The following TAOK3 variants were observed in gnomAD, a reference collection of about 807,000 sequenced individuals.
TAOK3 encodes the protein serine/threonine-protein kinase TAO3.
A neutral mutation model predicts 120.4 loss-of-function variants in TAOK3; 40 were observed. The observed-to-expected ratio is 0.33, with a 90% CI of 0.26 to 0.43. The LOEUF is 0.43. Ranked by LOEUF, TAOK3 falls within the 20% of genes least tolerant of loss-of-function variation. TAOK3 has a pLI of 1.00. For missense variants in TAOK3, 821 were observed against 1,112.1 expected, an observed-to-expected ratio of 0.74 and a Z score of 3.72; for synonymous variants, 355 against 387.5, an observed-to-expected ratio of 0.92 and a Z score of 0.99.
At chr12:118,176,956 G>A (rs2036378599) in intron 16 of TAOK3, among the ~76,000 whole-genome samples, 1 of 151,934 alleles carries the variant, frequency 6.6e-6, no homozygotes, top group Admixed American at 6.6e-5. Context: ...TAGTAGAGAC[G>A]AGGTTTCACC....
At chr12:118,186,598 T>C (rs2037092133) in intron 14 of TAOK3, among the ~76,000 whole-genome samples, 1 of 152,100 alleles carries the variant, frequency 6.6e-6, no homozygotes. Flanking sequence ...TTTTTCCAGA[T>C]AACACATGAG....
intron 1 of TAOK3, among the ~76,000 whole-genome samples, chr12:118,288,915 C>CAAAA (rs34740967): frequency 2.4e-4 from 23 of 94,092 alleles, no homozygotes; most frequent in South Asian, 3.8e-4. Flanking sequence ...GACTCTATCT[C>CAAAA]AAAAAAAAAA....
intron 1 of TAOK3, among the ~76,000 whole-genome samples, chr12:118,354,170 T>C (rs1477277006): frequency 6.6e-6 from 1 of 152,204 alleles, no homozygotes; most frequent in Non-Finnish European, 1.5e-5. Flanking sequence ...TGGAACTCTA[T>C]ATATACTATT....
At chr12:118,232,385 T>A (rs907455825) in intron 9 of TAOK3, among the ~76,000 whole-genome samples, 7 of 152,234 alleles carry the variant, frequency 4.6e-5, no homozygotes, top group African/African-American at 1.7e-4. Context: ...GTGCTCTACA[T>A]GGGTCAAATA....
At chr12:118,198,195 C>G (rs2037829611) in intron 13 of TAOK3, among the ~76,000 whole-genome samples, 1 of 152,074 alleles carries the variant, frequency 6.6e-6, no homozygotes, top group African/African-American at 2.4e-5. Flanking sequence ...CTTGAACATA[C>G]AAAGCTCTCT....
Position 118,177,305 on chromosome 12 carries a change from T to C in TAOK3, c.1591A>G (p.Lys531Glu), listed in dbSNP as rs1438481624. Reference sequence around the variant, plus strand: ...GCCAAGATCTGTTGCTGGAACTTCTTCTCATCTGCTGCAGCTACCTTTGCC... The same window carrying C: ...GCCAAGATCTGTTGCTGGAACTTCTCCTCATCTGCTGCAGCTACCTTTGCC... ...KEAKVAAADE[K>E]KFQQQILAQQ... Residue 531 changes from lysine to glutamate, a missense_variant, in exon 16 of 21, where the codon AAG becomes GAG. Physicochemically the swap from Lys to Glu is moderately conservative, Grantham distance 56. Around this residue, in one of 2 missense-constraint regions of TAOK3, gnomAD observed 354 missense variants for 572.1 expected, o/e 0.62. Transcript: ENST00000392533. 6.2e-7 allele frequency: 1 copy of C among 1,613,656 alleles called. No individual in the cohort carries two copies. Among genetic ancestry groups the C allele is most frequent in the Non-Finnish European group, 8.5e-7 (1 of 1,179,982 alleles).
intron 20 of TAOK3, 114 bp from the exon 21 acceptor site, chr12:118,151,272 A>C: frequency 2.1e-6 from 2 of 954,850 alleles, no homozygotes; most frequent in Admixed American, 2.6e-5. Context: ...AGGCACACAC[A>C]TGAAGTGCGC....
chr12:118,184,785 A>C (rs2036972960), intron 14 of TAOK3, among the ~76,000 whole-genome samples: 1 of 152,238 alleles, frequency 6.6e-6, no homozygotes. Flanking sequence ...TGCTCTACCC[A>C]GTGGATTGTG....
chr12:118,267,899 A>G (rs2041526292), intron 1 of TAOK3, among the ~76,000 whole-genome samples: 1 of 151,774 alleles, frequency 6.6e-6, no homozygotes, highest in Admixed American at 6.6e-5. Context: ...AAAAAAAAAA[A>G]AAAGGAAAGA....
intron 1 of TAOK3, among the ~76,000 whole-genome samples, chr12:118,318,319 A>ATCTG (rs2043559353): frequency 6.6e-6 from 1 of 151,984 alleles, no homozygotes; most frequent in African/African-American, 2.4e-5. Context: ...CACCACGCCC[A>ATCTG]GCTAATTTTT....
At position 118,165,514 on chromosome 12, in the gene TAOK3, A is replaced by G. The variant is rs554291254; in HGVS notation, c.1900-3487T>C. The stretch of plus-strand genomic sequence containing the variant: ...ACTGTCCACAGAATACCTACATCCG[A>G]ATTACCTGTGTTATAAGGGACTAGT... On this transcript the variant is annotated intron_variant, in intron 17 of 20. Transcript: ENST00000392533. Among the ~76,000 whole-genome samples the G allele has an allele frequency of 3.9e-5, 6 of 152,326 alleles. No individual in the cohort carries two copies. The South Asian group carries it at 1.2e-3, about 32-fold the overall frequency.
Position 118,172,491 on chromosome 12 carries a change from T to C in TAOK3, c.1865A>G (p.Lys622Arg), listed in dbSNP as rs1196912243. 2.6e-5 allele frequency: 42 copies of C among 1,614,044 alleles called. No individual in the cohort carries two copies. The highest frequency in any genetic ancestry group is 3.6e-5 in the Non-Finnish European group (42 of 1,180,032). ...GTTCTGCTGCTCCACCTCGTGCCGCTTGATCATTATTTTCCGCTTGAAGAA... is the reference window on the plus strand; with the variant it reads ...GTTCTGCTGCTCCACCTCGTGCCGCCTGATCATTATTTTCCGCTTGAAGAA... ...CRFFKRKIMI[K>R]RHEVEQQNIR... Residue 622 changes from lysine (K) to arginine (R), a missense_variant, in exon 17 of 21, where the codon AAG becomes AGG. Lys to Arg is a conservative substitution (Grantham distance 26). Transcript: ENST00000392533.
At chr12:118,240,329 G>A (rs1447559847) in intron 5 of TAOK3, among the ~76,000 whole-genome samples, 8 of 151,636 alleles carry the variant, frequency 5.3e-5, no homozygotes, top group Non-Finnish European at 7.4e-5. Context: ...ACAGGCATGC[G>A]CCACCACACG....
intron 1 of TAOK3, among the ~76,000 whole-genome samples, chr12:118,327,987 C>T (rs2043998295): frequency 6.6e-6 from 1 of 151,926 alleles, no homozygotes; most frequent in South Asian, 2.1e-4. Context: ...TGTATTGTTC[C>T]ACATAGTGTT....
intron 15 of TAOK3, among the ~76,000 whole-genome samples, chr12:118,180,139 G>A (rs1174494267): frequency 6.7e-6 from 1 of 150,208 alleles, no homozygotes; most frequent in African/African-American, 2.5e-5. Context: ...GTAGAGACGG[G>A]GTTTCACCAT....
intron 1 of TAOK3, among the ~76,000 whole-genome samples, chr12:118,288,480 C>T (rs546673667): frequency 2.6e-5 from 4 of 152,242 alleles, no homozygotes; most frequent in African/African-American, 9.6e-5. Context: ...GAAGAGAGCC[C>T]ACACCAGAAG....
intron 9 of TAOK3, among the ~76,000 whole-genome samples, chr12:118,220,024 C>G (rs945019120): frequency 4.0e-5 from 6 of 151,586 alleles, no homozygotes. Flanking sequence ...TTCTACCTCA[C>G]CCTCCCTAGT....
At position 118,212,969 on chromosome 12, in the gene TAOK3, T is replaced by A. The variant is rs2038705753; in HGVS notation, c.764A>T (p.Asp255Val). ...CTGAGGTATTTTCTGCAAGCAGTAA[T>A]CAACAAATCTCCTAAAGGAGTCTGT... is the stretch of plus-strand genomic sequence containing the variant. ...EWTDSFRRFV[D>V]YCLQKIPQER... Residue 255 changes from aspartate (D) to valine (V), a missense_variant, in exon 11 of 21, where the codon GAT becomes GTT. Transcript: ENST00000392533. The A allele has an allele frequency of 1.2e-6, 2 of 1,612,858 alleles. No homozygotes were observed. Among genetic ancestry groups the A allele is most frequent in the Non-Finnish European group, 1.7e-6 (2 of 1,179,604 alleles).
intron 1 of TAOK3, chr12:118,359,601 A>G (rs2045523568): frequency 6.6e-6 from 1 of 152,256 alleles, no homozygotes; most frequent in African/African-American, 2.4e-5. Context: ...AAACTTATGT[A>G]TTTAAAAATC....
Sources: allele counts gnomAD v4.1 joint callset (sites outside exome capture counted in the v4.1 genomes callset), GRCh38; gene constraint gnomAD v4.1.1; regional missense constraint gnomAD v4.1.1; transcripts MANE v1.5; gene names NCBI Gene and HGNC (gene_info 2026-07-23, HGNC 2026-07-21).